PCDHA6: variants seen among roughly 807,000 people sequenced by gnomAD.
PCDHA6 encodes protocadherin alpha-6.
In PCDHA6, 55 loss-of-function variants were observed where a neutral mutation model predicts 60.3. The ratio of observed to expected loss-of-function variants is 0.91; its 90% CI spans 0.73 to 1.14. The LOEUF (loss-of-function observed/expected upper bound fraction) is 1.14. Among genes scored for constraint, PCDHA6 ranks in the 50% most tolerant of loss-of-function variants. The pLI, the probability that PCDHA6 is intolerant of heterozygous loss-of-function variation, is 0.00. For synonymous variants in PCDHA6, 652 were observed against 557.9 expected, an observed-to-expected ratio of 1.17 and a Z score of -2.38; for missense variants, 1,327 against 1,256.5, an observed-to-expected ratio of 1.06 and a Z score of -0.85.
intron 3 of PCDHA6, among the ~76,000 whole-genome samples, chr5:140,993,224 G>A (rs547665525): frequency 6.6e-6 from 1 of 152,210 alleles, no homozygotes; most frequent in East Asian, 1.9e-4. Context: ...TTTTTGGTAT[G>A]TTCTCTCTGA....
chr5:140,935,566 T>A (rs2090441028), intron 1 of PCDHA6, among the ~76,000 whole-genome samples: 1 of 152,246 alleles, frequency 6.6e-6, no homozygotes, highest in Non-Finnish European at 1.5e-5. Context: ...AAAGTTCCTC[T>A]CTGTGTAGTT....
At chr5:140,904,412 A>C (rs1554191488) in intron 1 of PCDHA6, among the ~76,000 whole-genome samples, 2 of 150,986 alleles carry the variant, frequency 1.3e-5, no homozygotes, top group Non-Finnish European at 2.9e-5. Context: ...TATATATATA[A>C]TACATATATT....
intron 3 of PCDHA6, among the ~76,000 whole-genome samples, chr5:140,997,807 G>A (rs557351308): frequency 4.5e-4 from 68 of 152,118 alleles, no homozygotes; most frequent in African/African-American, 1.5e-3. Context: ...CCAATTTGCT[G>A]TTGGTATCTA....
chr5:140,870,581 T>C, intron 1 of PCDHA6: 1 of 1,613,826 alleles, frequency 6.2e-7, no homozygotes, highest in Non-Finnish European at 8.5e-7. Context: ...TCCTACTCGC[T>C]GGTGGAGCGG....
At chr5:140,985,851 TG>T (rs1269261138) in intron 3 of PCDHA6, among the ~76,000 whole-genome samples, 1 of 149,322 alleles carries the variant, frequency 6.7e-6, no homozygotes, top group Non-Finnish European at 1.5e-5. Flanking sequence ...GCCACTCTCC[TG>T]CCTCAGCCTC....
In PCDHA6 at chr5:140,829,374, G is replaced by A. The variant is rs2150166650; in HGVS notation, c.1283G>A (p.Arg428Gln). The A allele has an allele frequency of 1.2e-6, 2 of 1,614,224 alleles. No individual in the cohort carries two copies. The highest frequency in any genetic ancestry group is 8.5e-7 in the Non-Finnish European group (1 of 1,180,048). ...GCCTATGAGTTGGTGGTAACCGCGCGGGACGGGGGCTCGCCTTCGCTGTGG... is the reference window on the plus strand; with the variant it reads ...GCCTATGAGTTGGTGGTAACCGCGCAGGACGGGGGCTCGCCTTCGCTGTGG... ...VSAYELVVTA[R>Q]DGGSPSLWAT... The change falls in exon 1 of 4, where the codon CGG (arginine) becomes CAG (glutamine). Residue 428 changes from arginine to glutamine, a missense_variant. Coordinates refer to ENST00000529310, the MANE Select transcript of PCDHA6 (RefSeq NM_018909.4).
chr5:140,832,676 A>G (rs1772104728), intron 1 of PCDHA6, among the ~76,000 whole-genome samples: 1 of 152,242 alleles, frequency 6.6e-6, no homozygotes. Context: ...GCTGAGAATC[A>G]TCGAATTAAC....
chr5:140,909,134 C>A (rs1337385284), intron 1 of PCDHA6, among the ~76,000 whole-genome samples: 3 of 152,140 alleles, frequency 2.0e-5, no homozygotes, highest in Non-Finnish European at 4.4e-5. Flanking sequence ...AGGTAATGAA[C>A]CAGTGTGATA....
At chr5:140,878,103 G>GA (rs748975221) in intron 1 of PCDHA6, 34 of 261,730 alleles carry the variant, frequency 1.3e-4, no homozygotes, top group Non-Finnish European at 2.0e-4. Context: ...GATGAACCTT[G>GA]AAAAAAACAG....
Position 140,951,753 on chromosome 5 carries a change from C to T in PCDHA6, c.2395-27196C>T, listed in dbSNP as rs140119406. ...ATTCTGCCACTGCCCTCACCCTCCGCGAAATCTCATGACGTTCTTACATTG... is the reference window on the plus strand; with the variant it reads ...ATTCTGCCACTGCCCTCACCCTCCGTGAAATCTCATGACGTTCTTACATTG... On this transcript the variant is annotated intron_variant, in intron 1 of 3. Transcript: ENST00000529310. Among the ~76,000 whole-genome samples the T allele has an allele frequency of 7.0e-3, 1,059 of 152,208 alleles. 11 individuals are homozygous for T. The highest frequency in any genetic ancestry group is 0.014 in the Admixed American group (209 of 15,290).
At position 141,009,762 on chromosome 5, in the gene PCDHA6, C is replaced by G. The variant is rs2154001658; in HGVS notation, c.2678C>G (p.Ser893Cys). Reference sequence around the variant, plus strand: ...CCCGACAAATTCATTATCCCAGGATCTCCTGCAATCATCTCCATCCGGCAG... The same window carrying G: ...CCCGACAAATTCATTATCCCAGGATGTCCTGCAATCATCTCCATCCGGCAG... Reference protein sequence around the residue: ...ELPDKFIIPGSPAIISIRQEP... With the variant: ...ELPDKFIIPGCPAIISIRQEP... The change falls in exon 4 of 4, where the codon TCT becomes TGT. Residue 893 changes from serine (S) to cysteine (C), a missense_variant. Coordinates refer to ENST00000529310, the MANE Select transcript of PCDHA6 (RefSeq NM_018909.4). 5 of 1,614,180 alleles carry G rather than the reference C, an allele frequency of 3.1e-6. No homozygotes were observed. In the East Asian group the frequency reaches 1.1e-4, roughly 36 times the overall value.
intron 1 of PCDHA6, chr5:140,882,711 C>A: frequency 6.2e-7 from 1 of 1,614,160 alleles, no homozygotes; most frequent in Non-Finnish European, 8.5e-7. Flanking sequence ...TCTAGACCTC[C>A]GGAAACTCGA....
In PCDHA6 at chr5:140,853,541, G is replaced by C. The variant is rs1554146703; in HGVS notation, c.2394+23056G>C. On this transcript the variant is annotated intron_variant, in intron 1 of 3. Coordinates refer to ENST00000529310, the MANE Select transcript of PCDHA6 (RefSeq NM_018909.4). Reference sequence around the variant, plus strand: ...CTCCTCCTATGTCTCTTTTCAAGTTGTAATTACTATATAGGAAAAACTAAG... The same window carrying C: ...CTCCTCCTATGTCTCTTTTCAAGTTCTAATTACTATATAGGAAAAACTAAG... 3 of 979,204 alleles carry C rather than the reference G, an allele frequency of 3.1e-6. 1 individual carries two copies. The highest frequency in any genetic ancestry group is 3.7e-6 in the Non-Finnish European group (3 of 812,050). 60.7% of individuals were successfully genotyped at this position (979,204 alleles called of 1,614,324 possible). A position where few individuals can be genotyped will look rare whatever the true frequency, so the allele number is the denominator to read the frequency against.
intron 1 of PCDHA6, among the ~76,000 whole-genome samples, chr5:140,896,499 A>G (rs1029698205): frequency 6.6e-6 from 1 of 150,502 alleles, no homozygotes; most frequent in African/African-American, 2.4e-5. Flanking sequence ...AGTAGCTGGG[A>G]CTGTGCAGGC....
At chr5:140,967,029 G>C (rs1554229079) in intron 1 of PCDHA6, 4 of 1,608,938 alleles carry the variant, frequency 2.5e-6, no homozygotes, top group East Asian at 2.2e-5. Flanking sequence ...CCCAGTCCGC[G>C]CTACCTGGAG....
intron 1 of PCDHA6, chr5:140,927,252 C>A: frequency 6.2e-7 from 1 of 1,614,134 alleles, no homozygotes; most frequent in Non-Finnish European, 8.5e-7. Flanking sequence ...CCAATGACAA[C>A]TCACCTCTCT....
intron 1 of PCDHA6, chr5:140,834,738 G>A (rs2150225260): frequency 5.6e-6 from 9 of 1,614,242 alleles, no homozygotes; most frequent in Non-Finnish European, 7.6e-6. Context: ...GGTTTTCCAT[G>A]TGGACGTGGA....
At chr5:140,871,658 C>G in intron 1 of PCDHA6, 2 of 1,224,216 alleles carry the variant, frequency 1.6e-6, no homozygotes, top group Non-Finnish European at 2.2e-6. Context: ...TGATACACAT[C>G]TTCAGTCTTT....
At position 140,845,330 on chromosome 5, in the gene PCDHA6, G is replaced by C. The variant is rs2150378470; in HGVS notation, c.2394+14845G>C. ...GTTCTCAGGTATTACTTTAATTACTGAATTCTCCTAAACATTTAATTGACT... is the reference window on the plus strand; with the variant it reads ...GTTCTCAGGTATTACTTTAATTACTCAATTCTCCTAAACATTTAATTGACT... On this transcript the variant is annotated intron_variant, in intron 1 of 3. Coordinates refer to ENST00000529310, the MANE Select transcript of PCDHA6 (RefSeq NM_018909.4). Among the ~76,000 whole-genome samples the C allele has an allele frequency of 1.2e-4, 18 of 149,276 alleles. 2 individuals carry two copies. Among genetic ancestry groups the C allele is most frequent in the Non-Finnish European group, 2.2e-4 (15 of 66,728 alleles).
Sources: gnomAD v4.1 joint callset for allele counts (sites outside exome capture counted in the v4.1 genomes callset) on GRCh38, gnomAD v4.1.1 for gene constraint, MANE v1.5 for transcripts, NCBI Gene and HGNC (gene_info 2026-07-23, HGNC 2026-07-21) for gene names.